The following ZNF541 variants were observed in gnomAD, a reference collection of about 807,000 sequenced individuals.
The protein encoded by ZNF541 is zinc finger protein 541.
A neutral mutation model predicts 123.5 loss-of-function variants in ZNF541; 23 were observed. The observed-to-expected ratio is 0.19, with a 90% CI of 0.13 to 0.26. The LOEUF (loss-of-function observed/expected upper bound fraction) is 0.26, where lower values mean the gene tolerates loss of function less well. Among genes scored for constraint, ZNF541 ranks in the 10% least tolerant of loss-of-function variants. ZNF541 has a pLI of 1.00. For synonymous variants in ZNF541, 751 were observed against 754.5 expected (o/e 1.00, Z 0.08); for missense variants, 1,612 against 1,789.9 (o/e 0.90, Z 1.79).
intron 4 of ZNF541, 128 bp downstream of exon 4, chr19:47,549,117 T>TA (rs1970490188): frequency 8.4e-7 from 1 of 1,193,610 alleles, no homozygotes; most frequent in African/African-American, 1.5e-5. Context: ...GCAGAGGTAA[T>TA]ACACGTCTGG....
chr19:47,533,279 G>T (rs750227715), intron 9 of ZNF541, among the ~76,000 whole-genome samples: 9 of 146,664 alleles, frequency 6.1e-5, no homozygotes, highest in Non-Finnish European at 1.3e-4. Flanking sequence ...AGAATGGCGT[G>T]AACCCAGGAG....
chr19:47,549,260 T>C lies in ZNF541; in HGVS notation c.533A>G (p.Lys178Arg). Residue 178 changes from lysine (K) to arginine (R), a missense_variant, in exon 4 of 17, where the codon AAG becomes AGG. This residue lies in a region of ZNF541 where 212 missense variants were observed against 289.6 expected (regional missense o/e 0.73). Coordinates refer to ENST00000391901, the MANE Select transcript of ZNF541 (RefSeq NM_001277075.3). ...HVCKICSKAF[K>R]RQDHLTGHML... The stretch of plus-strand genomic sequence containing the variant: ...TCCCACATACAGGTGGTCCTGGCGC[T>C]TAAAGGCCTTGCTGCAGATTTTGCA... 1 of 1,552,072 alleles carries C rather than the reference T, an allele frequency of 6.4e-7. No homozygotes were observed. Among genetic ancestry groups the C allele is most frequent in the Non-Finnish European group, 8.7e-7 (1 of 1,147,090 alleles).
At chr19:47,567,390 TG>T (rs1280471216) in intron 2 of ZNF541, among the ~76,000 whole-genome samples, 1 of 152,108 alleles carries the variant, frequency 6.6e-6, no homozygotes, top group East Asian at 1.9e-4. Flanking sequence ...CCTGAGTAGC[TG>T]GGGATTACAG....
chr19:47,564,143 T>C (rs894216560), intron 2 of ZNF541, among the ~76,000 whole-genome samples: 1 of 152,198 alleles, frequency 6.6e-6, no homozygotes. Context: ...AACTGAACTG[T>C]ATACTGCACT....
intron 9 of ZNF541, among the ~76,000 whole-genome samples, chr19:47,537,563 CA>C (rs369951057): frequency 0.014 from 794 of 56,516 alleles, 3 homozygotes; most frequent in African/African-American, 0.038. Context: ...TACTCTGTCT[CA>C]AAAAAAAAAA....
intron 12 of ZNF541, among the ~76,000 whole-genome samples, chr19:47,531,081 A>C (rs1032912423): frequency 2.0e-5 from 3 of 152,064 alleles, no homozygotes; most frequent in African/African-American, 7.2e-5. Context: ...TCTGCTGAGG[A>C]CCTGCTATAT....
chr19:47,544,505 G>A lies in ZNF541; in HGVS notation c.2024C>T (p.Ser675Phe), dbSNP rs865927300. The change falls in exon 5 of 17, where the codon TCT becomes TTT. Residue 675 changes from serine (S) to phenylalanine (F), a missense_variant. Ser to Phe is a radical substitution (Grantham distance 155). Transcript: ENST00000391901. ...AGAGGATCGCAGCTGCTTGGCCAGA[G>A]AAGAGATGTCTGGATTCCTGGAAGG... Reference protein sequence around the residue: ...LDPSRNPDISSLAKQLRSSKG... With the variant: ...LDPSRNPDISFLAKQLRSSKG... 2 of 1,551,728 alleles carry A rather than the reference G, an allele frequency of 1.3e-6. No individual in the cohort carries two copies. The highest frequency in any genetic ancestry group is 1.7e-6 in the Non-Finnish European group (2 of 1,147,016).
chr19:47,546,029 C>G (rs1276482359), intron 4 of ZNF541, 49 bp from the exon 5 acceptor site: 1 of 1,428,042 alleles, frequency 7.0e-7, no homozygotes, highest in Non-Finnish European at 9.2e-7. Context: ...TGGGACCGGG[C>G]TTTCTGCTGT....
chr19:47,569,380 C>T (rs1379045152), intron 2 of ZNF541, among the ~76,000 whole-genome samples: 1 of 151,928 alleles, frequency 6.6e-6, no homozygotes, highest in African/African-American at 2.4e-5. Flanking sequence ...TATTATTAAC[C>T]CTATTTCACC....
At chr19:47,546,940 G>T (rs1444909469) in intron 4 of ZNF541, among the ~76,000 whole-genome samples, 1 of 152,094 alleles carries the variant, frequency 6.6e-6, no homozygotes, top group Non-Finnish European at 1.5e-5. Flanking sequence ...AGCTGGTCTC[G>T]AACTCCTGAC....
chr19:47,544,789 G>GCGC lies in ZNF541; in HGVS notation c.1739_1740insGCG (p.Leu580_Pro581insArg), dbSNP rs1568500139. ...CGGCTGGTTTGCCCTCGGGCGCAGG[G>GCGC]AGCTGGGAGGAGACTGCTGCCACCT... On this transcript the variant is annotated inframe_insertion, in exon 5 of 17. Coordinates refer to ENST00000391901, the MANE Select transcript of ZNF541 (RefSeq NM_001277075.3). 1.1e-5 allele frequency: 17 copies of GCGC among 1,524,432 alleles called. No individual in the cohort carries two copies. The highest frequency in any genetic ancestry group is 1.7e-4 in the Middle Eastern group (1 of 5,936). 94.4% of individuals were successfully genotyped at this position (1,524,432 alleles called of 1,614,324 possible). A position where few individuals can be genotyped will look rare whatever the true frequency, so the allele number is the denominator to read the frequency against.
Position 47,544,280 on chromosome 19 carries a change from C to T in ZNF541, c.2249G>A (p.Arg750Lys), listed in dbSNP as rs750917710. 123 of 1,551,478 alleles carry T rather than the reference C, an allele frequency of 7.9e-5. No homozygotes were observed. Among genetic ancestry groups the T allele is most frequent in the Middle Eastern group, 3.3e-4 (2 of 6,010 alleles). Residue 750 changes from arginine to lysine, a missense_variant, in exon 5 of 17, where the codon AGG becomes AAG. Arg to Lys is a conservative substitution (Grantham distance 26). Coordinates refer to ENST00000391901, the MANE Select transcript of ZNF541 (RefSeq NM_001277075.3). Reference protein sequence around the residue: ...GGGYRLLGNPRAPRFSGFRKE... With the variant: ...GGGYRLLGNPKAPRFSGFRKE... ...CCGGAAGCCGGAGAATCGCGGGGCC[C>T]TGGGGTTGCCCAAGAGCCGGTAGCC...
chr19:47,540,621 G>A (rs568842856), intron 6 of ZNF541, among the ~76,000 whole-genome samples: 1 of 152,212 alleles, frequency 6.6e-6, no homozygotes, highest in East Asian at 1.9e-4. Context: ...TATATTTCTA[G>A]TAGAGACAGA....
intron 2 of ZNF541, among the ~76,000 whole-genome samples, chr19:47,569,474 C>T (rs1971395173): frequency 6.6e-6 from 1 of 152,044 alleles, no homozygotes; most frequent in Admixed American, 6.6e-5. Flanking sequence ...ATTTCGAAAC[C>T]CTTACGCTTG....
chr19:47,562,401 G>C (rs1971101417), intron 2 of ZNF541, among the ~76,000 whole-genome samples: 1 of 151,764 alleles, frequency 6.6e-6, no homozygotes, highest in African/African-American at 2.4e-5. Flanking sequence ...AAAATTAGCT[G>C]GGCGTGGTGG....
At chr19:47,530,825 A>G (rs1969533004) in intron 12 of ZNF541, among the ~76,000 whole-genome samples, 2 of 151,200 alleles carry the variant, frequency 1.3e-5, no homozygotes, top group African/African-American at 4.9e-5. Context: ...TAATTTTTTT[A>G]TTTTTAGTAG....
At chr19:47,527,759 G>A (rs1969364505) in intron 14 of ZNF541, among the ~76,000 whole-genome samples, 1 of 151,632 alleles carries the variant, frequency 6.6e-6, no homozygotes, top group Non-Finnish European at 1.5e-5. Context: ...GAGTGCAGTG[G>A]CGAGATCTTG....
chr19:47,544,050 A>G, intron 5 of ZNF541, 76 bp downstream of exon 5: 1 of 1,434,228 alleles, frequency 7.0e-7, no homozygotes, highest in Non-Finnish European at 9.2e-7. Context: ...GAAATGAAAT[A>G]AAATGCCTGG....
At chr19:47,561,646 G>A (rs1304494060) in intron 2 of ZNF541, among the ~76,000 whole-genome samples, 1 of 151,932 alleles carries the variant, frequency 6.6e-6, no homozygotes, top group Non-Finnish European at 1.5e-5. Context: ...GTTGTTAACC[G>A]CCTGCCTGAG....
Sources: gnomAD v4.1 joint callset for allele counts (sites outside exome capture counted in the v4.1 genomes callset) on GRCh38, gnomAD v4.1.1 for gene constraint, gnomAD v4.1.1 regional missense constraint, MANE v1.5 for transcripts, NCBI Gene and HGNC (gene_info 2026-07-23, HGNC 2026-07-21) for gene names.